The following FSTL5 variants were observed in gnomAD, a reference collection of about 807,000 sequenced individuals.
FSTL5 encodes follistatin like 5, also known as follistatin-related protein 5.
A neutral mutation model predicts 89.1 loss-of-function variants in FSTL5; 62 were observed. That is an observed-to-expected ratio of 0.70 (90% CI 0.57 to 0.86). The LOEUF (loss-of-function observed/expected upper bound fraction) is 0.86, where lower values mean the gene tolerates loss of function less well. Ranked by LOEUF, FSTL5 falls within the 40% of genes least tolerant of loss-of-function variation. The pLI, the probability that FSTL5 is intolerant of heterozygous loss-of-function variation, is 0.00. For synonymous variants in FSTL5, 383 were observed against 346.2 expected, an observed-to-expected ratio of 1.11 and a Z score of -1.18; for missense variants, 1,057 against 1,001.6, an observed-to-expected ratio of 1.06 and a Z score of -0.75.
intron 15 of FSTL5, among the ~76,000 whole-genome samples, chr4:161,403,342 CAA>C (rs1283353094): frequency 3.3e-5 from 5 of 151,996 alleles, no homozygotes; most frequent in Non-Finnish European, 7.4e-5. Context: ...AACGAAAAAA[CAA>C]GAGGAATCTT....
intron 12 of FSTL5, among the ~76,000 whole-genome samples, chr4:161,496,347 G>C (rs1187512075): frequency 6.6e-6 from 1 of 152,100 alleles, no homozygotes; most frequent in Non-Finnish European, 1.5e-5. Flanking sequence ...CAGTTGTTTG[G>C]TCAAACACTC....
rs563997846 is a variant in FSTL5 at position 162,128,441 on chromosome 4, A to C, written c.-16-17029T>G. Among the ~76,000 whole-genome samples the C allele has an allele frequency of 2.0e-4, 31 of 152,296 alleles. No individual in the cohort carries two copies. The South Asian group carries it at 6.4e-3, about 32-fold the overall frequency. On this transcript the variant is annotated intron_variant, in intron 1 of 15. Coordinates refer to ENST00000306100, the MANE Select transcript of FSTL5 (RefSeq NM_020116.5). ...AATGGGAACAGTACCCTTATGAAAA[A>C]GGGTTAAGAGTGATCCCTTGCCCCT...
In FSTL5 at chr4:161,652,234, C is replaced by T. The variant is rs147943802; in HGVS notation, c.894+4094G>A. On this transcript the variant is annotated intron_variant, in intron 7 of 15. Coordinates refer to ENST00000306100, the MANE Select transcript of FSTL5 (RefSeq NM_020116.5). ...GGAGGATCACTTGAGGCTAGGATTT[C>T]GAGACCAGCCTGGCCAGCCCAGAAA... is the stretch of plus-strand genomic sequence containing the variant. 6.1e-3 allele frequency among the ~76,000 whole-genome samples: 927 copies of T among 152,124 alleles called. 9 individuals are homozygous for T. The highest frequency in any genetic ancestry group is 0.045 in the South Asian group (219 of 4,820).
chr4:161,550,562 TTTATTTA>T (rs1173076685), intron 8 of FSTL5, among the ~76,000 whole-genome samples: 13 of 19,256 alleles, frequency 6.8e-4, no homozygotes, highest in Admixed American at 1.5e-3. Flanking sequence ...TTCTTTTTTA[TTTATTTA>T]TTTATTTATT....
chr4:161,709,187 T>C (rs1366838394), intron 6 of FSTL5, among the ~76,000 whole-genome samples: 1 of 152,126 alleles, frequency 6.6e-6, no homozygotes, highest in East Asian at 1.9e-4. Flanking sequence ...CTTTATTTTG[T>C]AAATAAAAAA....
intron 5 of FSTL5, among the ~76,000 whole-genome samples, chr4:161,768,546 CA>C (rs1166591716): frequency 1.3e-5 from 2 of 151,750 alleles, no homozygotes; most frequent in Non-Finnish European, 2.9e-5. Context: ...GGAAATAAAA[CA>C]TAAAGGAAGT....
intron 8 of FSTL5, among the ~76,000 whole-genome samples, chr4:161,579,328 A>G (rs1393948764): frequency 6.6e-6 from 1 of 152,204 alleles, no homozygotes; most frequent in Non-Finnish European, 1.5e-5. Flanking sequence ...AATTTTAAAA[A>G]AAGATATAAC....
At chr4:162,162,530 T>C (rs2110773153) in intron 1 of FSTL5, among the ~76,000 whole-genome samples, 1 of 152,220 alleles carries the variant, frequency 6.6e-6, no homozygotes, top group South Asian at 2.1e-4. Context: ...CACAATTCCA[T>C]TTATCAGGCA....
At chr4:161,769,057 G>A (rs1741116261) in intron 5 of FSTL5, among the ~76,000 whole-genome samples, 1 of 151,852 alleles carries the variant, frequency 6.6e-6, no homozygotes, top group South Asian at 2.1e-4. Flanking sequence ...ATGCCCCTAT[G>A]AGCAACTATA....
intron 4 of FSTL5, among the ~76,000 whole-genome samples, chr4:161,797,841 TA>T (rs1208792113): frequency 6.6e-6 from 1 of 151,678 alleles, no homozygotes; most frequent in African/African-American, 2.4e-5. Flanking sequence ...ATAAATGAAT[TA>T]AAATATGTGA....
intron 4 of FSTL5, among the ~76,000 whole-genome samples, chr4:161,880,915 T>C (rs1732606690): frequency 6.6e-6 from 1 of 152,032 alleles, no homozygotes; most frequent in South Asian, 2.1e-4. Context: ...TCATAAAGCC[T>C]CAGCAAAGGA....
chr4:161,902,216 T>C (rs1265047476), intron 4 of FSTL5, among the ~76,000 whole-genome samples: 1 of 152,180 alleles, frequency 6.6e-6, no homozygotes, highest in Non-Finnish European at 1.5e-5. Context: ...CAGGTTAATA[T>C]GTAAATTTAT....
chr4:162,098,900 C>T (rs927098940), intron 2 of FSTL5, among the ~76,000 whole-genome samples: 1 of 152,098 alleles, frequency 6.6e-6, no homozygotes, highest in African/African-American at 2.4e-5. Flanking sequence ...AGAATCCACA[C>T]ACAGACTTTA....
chr4:162,066,356 C>CTTCTTCTTCTTCTTCTTG (rs1561000563), intron 2 of FSTL5, among the ~76,000 whole-genome samples: 26 of 100,844 alleles, frequency 2.6e-4, no homozygotes, highest in African/African-American at 9.7e-4. Flanking sequence ...TCTTCTTCTC[C>CTTCTTCTTCTTCTTCTTG]TTCTTCTTCT....
chr4:161,745,361 C>T (rs1740162260), intron 6 of FSTL5, among the ~76,000 whole-genome samples: 1 of 151,922 alleles, frequency 6.6e-6, no homozygotes, highest in Admixed American at 6.6e-5. Flanking sequence ...TAACTATATA[C>T]AAAAATGTGC....
chr4:161,457,741 C>CAT (rs367859542), intron 14 of FSTL5, among the ~76,000 whole-genome samples: 2 of 151,654 alleles, frequency 1.3e-5, no homozygotes, highest in African/African-American at 2.4e-5. Context: ...TCTAAAAAAT[C>CAT]ATATATATAT....
intron 15 of FSTL5, among the ~76,000 whole-genome samples, chr4:161,438,154 G>A (rs1732636903): frequency 2.0e-5 from 3 of 152,184 alleles, no homozygotes; most frequent in Admixed American, 6.5e-5. Flanking sequence ...TTAAAGGCAG[G>A]AAGGGTGAAG....
intron 3 of FSTL5, among the ~76,000 whole-genome samples, chr4:161,992,769 G>A (rs1357834520): frequency 2.7e-5 from 4 of 147,824 alleles, no homozygotes; most frequent in Non-Finnish European, 4.5e-5. Context: ...GCTTGAACCC[G>A]GGAGTTGGAC....
rs1737138877 is a variant in FSTL5, at chr4:161,672,166, C to G, written c.728-15672G>C. 2.6e-5 allele frequency among the ~76,000 whole-genome samples: 4 copies of G among 152,134 alleles called. No homozygotes were observed. The South Asian group carries it at 8.3e-4, about 32-fold the overall frequency. On this transcript the variant is annotated intron_variant, in intron 6 of 15. Transcript: ENST00000306100. ...TTTCTCTCCAAGAAATCAGAGGGAC[C>G]TAGATCTGACCAAGACTTCCTAAGT... is the stretch of plus-strand genomic sequence containing the variant.
Sources: gnomAD v4.1 joint callset for allele counts (sites outside exome capture counted in the v4.1 genomes callset) on GRCh38, gnomAD v4.1.1 for gene constraint, MANE v1.5 for transcripts, NCBI Gene and HGNC (gene_info 2026-07-23, HGNC 2026-07-21) for gene names.